The following TAF1B variants were observed in gnomAD, a reference collection of about 807,000 sequenced individuals.
TAF1B encodes the protein TATA-box binding protein associated factor, RNA polymerase I subunit B, also known as TATA box-binding protein-associated factor RNA polymerase I subunit B.
In TAF1B, 61 loss-of-function variants were observed where a neutral mutation model predicts 83.9. The ratio of observed to expected loss-of-function variants is 0.73; its 90% CI spans 0.59 to 0.90. The LOEUF (loss-of-function observed/expected upper bound fraction) is 0.90. TAF1B is among the 40% of genes least tolerant of loss of function. The pLI is 0.00. For missense variants in TAF1B, 625 were observed against 677.0 expected (o/e 0.92, Z 0.85); for synonymous variants, 221 against 224.6 (o/e 0.98, Z 0.14).
chr2:9,879,020 T>C (rs143935749), intron 7 of TAF1B, among the ~76,000 whole-genome samples: 97 of 152,300 alleles, frequency 6.4e-4, no homozygotes, highest in Non-Finnish European at 1.2e-3. Context: ...ATAGAGCCAG[T>C]GTGAATATCA....
At chr2:9,931,128 C>T (rs1572299970) in intron 14 of TAF1B, among the ~76,000 whole-genome samples, 1 of 152,108 alleles carries the variant, frequency 6.6e-6, no homozygotes, top group Admixed American at 6.5e-5. Context: ...TCCAATTTGC[C>T]AGTCTGTGTC....
At chr2:9,904,734 CACA>C in intron 8 of TAF1B, 122 bp from the exon 9 acceptor site, 2 of 941,638 alleles carry the variant, frequency 2.1e-6, no homozygotes, top group Admixed American at 2.8e-5. Context: ...CCTTTTTCTG[CACA>C]ACTTCACCAG....
At chr2:9,851,841 A>G (rs951525004) in intron 4 of TAF1B, 1 of 647,516 alleles carries the variant, frequency 1.5e-6, no homozygotes, top group African/African-American at 1.8e-5. Context: ...AATACATCCA[A>G]AAGAAAAATT....
At chr2:9,924,213 G>C (rs1255144549) in intron 14 of TAF1B, among the ~76,000 whole-genome samples, 2 of 152,108 alleles carry the variant, frequency 1.3e-5, no homozygotes, top group African/African-American at 4.8e-5. Flanking sequence ...AGCAAAAAAG[G>C]CTTCAGCTGG....
At chr2:9,876,579 A>C (rs933452416) in intron 7 of TAF1B, among the ~76,000 whole-genome samples, 2 of 152,230 alleles carry the variant, frequency 1.3e-5, no homozygotes, top group African/African-American at 2.4e-5. Context: ...TTCTCACTTA[A>C]TAGACGTGCC....
intron 5 of TAF1B, among the ~76,000 whole-genome samples, chr2:9,860,047 A>AGT (rs1334017011): frequency 1.3e-5 from 2 of 152,224 alleles, no homozygotes; most frequent in African/African-American, 4.8e-5. Flanking sequence ...AGAGAGAGAG[A>AGT]GTGTGCAGGG....
chr2:9,897,234 A>G (rs938908327), intron 8 of TAF1B, among the ~76,000 whole-genome samples: 2 of 152,242 alleles, frequency 1.3e-5, no homozygotes, highest in Admixed American at 6.5e-5. Flanking sequence ...ACTTGTCTGT[A>G]TTAGATACAA....
At chr2:9,850,289 G>C (rs1280041965) in intron 3 of TAF1B, among the ~76,000 whole-genome samples, 1 of 151,940 alleles carries the variant, frequency 6.6e-6, no homozygotes, top group Non-Finnish European at 1.5e-5. Flanking sequence ...CTTTATATTA[G>C]GTGTTAAGTA....
intron 3 of TAF1B, among the ~76,000 whole-genome samples, chr2:9,850,115 C>T (rs1663339377): frequency 6.6e-6 from 1 of 152,006 alleles, no homozygotes. Flanking sequence ...TGCCTAGGTG[C>T]TGTCTCATGT....
intron 9 of TAF1B, among the ~76,000 whole-genome samples, chr2:9,910,340 T>G (rs1242470738): frequency 6.6e-6 from 1 of 152,234 alleles, no homozygotes; most frequent in Non-Finnish European, 1.5e-5. Context: ...TGTTGAGGGC[T>G]TCCAGTGTGC....
At chr2:9,850,723 G>A (rs907035061) in intron 3 of TAF1B, among the ~76,000 whole-genome samples, 11 of 152,268 alleles carry the variant, frequency 7.2e-5, no homozygotes, top group African/African-American at 2.4e-4. Context: ...GCAGTGAGGG[G>A]CAAAACATAA....
In TAF1B at chr2:9,933,815, C is replaced by T. The variant is rs1185074326; in HGVS notation, c.1598C>T (p.Ser533Leu). 6.2e-7 allele frequency: 1 copy of T among 1,613,344 alleles called. No homozygotes were observed. The highest frequency in any genetic ancestry group is 8.5e-7 in the Non-Finnish European group (1 of 1,179,746). Reference protein sequence around the residue: ...YCTHVTTYEESNYSLSYQFIL... With the variant: ...YCTHVTTYEELNYSLSYQFIL... ...ACACATGTGACAACCTATGAAGAAT[C>T]AAATTATTCTCTGAGTTATCAGTTT... The change falls in exon 15 of 15, where the codon TCA becomes TTA. Residue 533 changes from serine to leucine, a missense_variant. Coordinates refer to ENST00000263663, the MANE Select transcript of TAF1B (RefSeq NM_005680.3).
At chr2:9,917,268 C>T (rs543858110) in intron 12 of TAF1B, among the ~76,000 whole-genome samples, 2 of 152,214 alleles carry the variant, frequency 1.3e-5, no homozygotes, top group South Asian at 2.1e-4. Flanking sequence ...TTGAAAAAAT[C>T]AGTTCTTAAA....
chr2:9,891,364 C>A (rs1372609689), intron 8 of TAF1B, among the ~76,000 whole-genome samples: 1 of 152,128 alleles, frequency 6.6e-6, no homozygotes, highest in African/African-American at 2.4e-5. Context: ...CTTTTATTCT[C>A]CACCTTTATT....
intron 9 of TAF1B, among the ~76,000 whole-genome samples, chr2:9,906,875 A>G (rs567581180): frequency 6.6e-6 from 1 of 152,234 alleles, no homozygotes; most frequent in East Asian, 1.9e-4. Flanking sequence ...GGGGAGTGCA[A>G]TAAGCTTTTG....
intron 8 of TAF1B, among the ~76,000 whole-genome samples, chr2:9,885,328 A>G (rs1406756458): frequency 6.6e-6 from 1 of 152,236 alleles, no homozygotes; most frequent in Non-Finnish European, 1.5e-5. Context: ...CACAGATGTC[A>G]AAGAACTTTG....
intron 7 of TAF1B, among the ~76,000 whole-genome samples, chr2:9,877,672 G>A (rs1572240968): frequency 6.6e-6 from 1 of 152,252 alleles, no homozygotes; most frequent in East Asian, 1.9e-4. Flanking sequence ...GGATAAAGGG[G>A]CTAGCCATCC....
At chr2:9,876,664 A>T (rs1664329735) in intron 7 of TAF1B, among the ~76,000 whole-genome samples, 1 of 152,158 alleles carries the variant, frequency 6.6e-6, no homozygotes, top group South Asian at 2.1e-4. Flanking sequence ...TTTAATCAAT[A>T]TGTAGGGTGC....
At chr2:9,895,701 T>G (rs1474532964) in intron 8 of TAF1B, among the ~76,000 whole-genome samples, 2 of 152,188 alleles carry the variant, frequency 1.3e-5, no homozygotes, top group African/African-American at 4.8e-5. Context: ...TCCTTTGTTA[T>G]GGAGAGTCTT....
Sources: allele counts gnomAD v4.1 joint callset (sites outside exome capture counted in the v4.1 genomes callset), GRCh38; gene constraint gnomAD v4.1.1; transcripts MANE v1.5; gene names NCBI Gene and HGNC (gene_info 2026-07-23, HGNC 2026-07-21).